VWCE: variants seen among roughly 807,000 people sequenced by gnomAD.
The protein encoded by VWCE is von Willebrand factor C and EGF domain-containing protein.
A neutral mutation model predicts 102.9 loss-of-function variants in VWCE; 68 were observed. That is an observed-to-expected ratio of 0.66 (90% CI 0.54 to 0.81). The LOEUF (loss-of-function observed/expected upper bound fraction) is 0.81, where lower values mean the gene tolerates loss of function less well. VWCE is among the 30% of genes least tolerant of loss of function. The pLI, the probability that VWCE is intolerant of heterozygous loss-of-function variation, is 0.00. For synonymous variants in VWCE, 497 were observed against 515.4 expected (o/e 0.96, Z 0.48); for missense variants, 1,137 against 1,263.6 (o/e 0.90, Z 1.52).
chr11:61,261,403 T>G (rs1394285051), intron 19 of VWCE, among the ~76,000 whole-genome samples: 1 of 151,904 alleles, frequency 6.6e-6, no homozygotes, highest in Non-Finnish European at 1.5e-5. Flanking sequence ...GTGAATTGTA[T>G]GACATATGAA....
chr11:61,281,508 G>T lies in VWCE; in HGVS notation c.788-273C>A, dbSNP rs1047887409. On this transcript the variant is annotated intron_variant, in intron 7 of 19. Coordinates refer to ENST00000335613, the MANE Select transcript of VWCE (RefSeq NM_152718.2). The stretch of plus-strand genomic sequence containing the variant: ...AGAAGGGCTGGGGAAACAGTGAAAA[G>T]AAGAAGGAAGAATGGATAAAGAAGT... Among the ~76,000 whole-genome samples the T allele has an allele frequency of 3.3e-5, 5 of 152,344 alleles. No individual in the cohort carries two copies. The South Asian group carries it at 6.2e-4, about 19-fold the overall frequency.
intron 11 of VWCE, among the ~76,000 whole-genome samples, chr11:61,275,636 T>C (rs1008758577): frequency 1.3e-5 from 2 of 152,226 alleles, no homozygotes; most frequent in Non-Finnish European, 2.9e-5. Context: ...CAAGCTTCAG[T>C]GTTCCCATCT....
chr11:61,292,238 AAGAG>A (rs59024166), intron 1 of VWCE, among the ~76,000 whole-genome samples: 7,431 of 148,284 alleles, frequency 0.05, 554 homozygotes, highest in African/African-American at 0.17. Flanking sequence ...AAAAAAAAAA[AAGAG>A]AGAGAGAAAG....
chr11:61,274,872 G>A (rs1281992947), intron 11 of VWCE, among the ~76,000 whole-genome samples: 2 of 152,146 alleles, frequency 1.3e-5, no homozygotes, highest in African/African-American at 4.8e-5. Flanking sequence ...GACCAGTCTG[G>A]TCAAAACAGC....
chr11:61,293,241 C>CAAAAAAAAAAAAAA (rs764741197), intron 1 of VWCE, among the ~76,000 whole-genome samples: 1 of 18,028 alleles, frequency 5.5e-5, no homozygotes, highest in African/African-American at 2.0e-4. Flanking sequence ...AACTCCATCT[C>CAAAAAAAAAAAAAA]AAAAAAAAAA....
In VWCE at chr11:61,278,805, C is replaced by T. The variant is rs563313605; in HGVS notation, c.1325-329G>A. Among the ~76,000 whole-genome samples, 72 of 152,284 alleles carry T rather than the reference C, an allele frequency of 4.7e-4. 1 individual carries two copies. In the South Asian group the frequency reaches 0.014, roughly 29 times the overall value. On this transcript the variant is annotated intron_variant, in intron 9 of 19. Coordinates refer to ENST00000335613, the MANE Select transcript of VWCE (RefSeq NM_152718.2). ...CCTGTAACCCCAGCACTTTGGGAGG[C>T]CAAGGCGGGCAGACCACAAGGTCAG...
At chr11:61,259,334 G>A (rs552357440) in intron 19 of VWCE, 22 bp from the exon 20 acceptor site, 81 of 1,548,750 alleles carry the variant, frequency 5.2e-5, no homozygotes, top group Non-Finnish European at 6.9e-5. Context: ...AGGGTGAAAC[G>A]AGATGCACAA....
At chr11:61,291,095 A>G (rs545505827) in intron 3 of VWCE, among the ~76,000 whole-genome samples, 168 bp from the exon 4 acceptor site, 1 of 152,352 alleles carries the variant, frequency 6.6e-6, no homozygotes, top group South Asian at 2.1e-4. Context: ...GGGCAAGACA[A>G]TAACTTCTGT....
At chr11:61,267,939 G>A (rs575645780) in intron 15 of VWCE, among the ~76,000 whole-genome samples, 3 of 151,930 alleles carry the variant, frequency 2.0e-5, no homozygotes, top group Admixed American at 2.0e-4. Flanking sequence ...CGCCTGTCCA[G>A]AACATTCCCC....
rs964422420 is a variant in VWCE at position 61,258,604 on chromosome 11, G to A, written c.*71C>T. On this transcript the variant is annotated 3_prime_UTR_variant, in exon 20 of 20. Coordinates refer to ENST00000335613, the MANE Select transcript of VWCE (RefSeq NM_152718.2). Reference sequence around the variant, plus strand: ...CATCCCCACCAGGTTCATCCTTGGAGCTGCCCTGCACACACCCTGGGCCAC... The same window carrying A: ...CATCCCCACCAGGTTCATCCTTGGAACTGCCCTGCACACACCCTGGGCCAC... 1.5e-5 allele frequency: 19 copies of A among 1,303,678 alleles called. 1 individual carries two copies. The highest frequency in any genetic ancestry group is 1.9e-5 in the Non-Finnish European group (19 of 1,018,382). The allele number at this position is 1,303,678 out of a possible 1,614,324, so 80.8% of individuals were successfully genotyped here.
chr11:61,258,914 A>G lies in VWCE; in HGVS notation c.2629T>C (p.Ser877Pro). The G allele has an allele frequency of 1.3e-6, 2 of 1,532,946 alleles. No homozygotes were observed. The highest frequency in any genetic ancestry group is 1.3e-5 in the South Asian group (1 of 76,442). 95.0% of individuals were successfully genotyped at this position (1,532,946 alleles called of 1,614,324 possible). A position where few individuals can be genotyped will look rare whatever the true frequency, so the allele number is the denominator to read the frequency against. The change falls in exon 20 of 20, where the codon TCA becomes CCA. Residue 877 changes from serine to proline, a missense_variant. By Grantham distance (74) the Ser-to-Pro change is moderately conservative. Around this residue, in one of 5 missense-constraint regions of VWCE, gnomAD observed 316 missense variants for 319.3 expected, o/e 0.99. Coordinates refer to ENST00000335613, the MANE Select transcript of VWCE (RefSeq NM_152718.2). ...PPPVTPERSF[S>P]ASGAQIVSRW... ...GACACTATCTGGGCCCCAGAGGCTGAGAACGAGCGCTCTGGAGTCACAGGA... is the reference window on the plus strand; with the variant it reads ...GACACTATCTGGGCCCCAGAGGCTGGGAACGAGCGCTCTGGAGTCACAGGA...
At chr11:61,271,548 T>C (rs1854700564) in intron 14 of VWCE, 127 bp downstream of exon 14, 2 of 830,566 alleles carry the variant, frequency 2.4e-6, no homozygotes, top group African/African-American at 3.4e-5. Context: ...AAGTGGAACT[T>C]GACAGCACCG....
At chr11:61,268,677 T>C (rs1854582498) in intron 15 of VWCE, among the ~76,000 whole-genome samples, 1 of 152,210 alleles carries the variant, frequency 6.6e-6, no homozygotes. Context: ...TCTCCAATTG[T>C]CTCACAGGTG....
rs774957863 is a variant in VWCE, at chr11:61,278,404, C to T, written c.1397G>A (p.Cys466Tyr). The T allele has an allele frequency of 1.2e-6, 2 of 1,614,060 alleles. No individual in the cohort carries two copies. The highest frequency in any genetic ancestry group is 1.3e-5 in the African/African-American group (1 of 74,922). Residue 466 changes from cysteine to tyrosine, a missense_variant, in exon 10 of 20, where the codon TGT (cysteine) becomes TAT (tyrosine). Cys to Tyr is a radical substitution (Grantham distance 194, BLOSUM62 -2). This residue lies in a region of VWCE where 575 missense variants were observed against 625.9 expected (regional missense o/e 0.92). Coordinates refer to ENST00000335613, the MANE Select transcript of VWCE (RefSeq NM_152718.2). ...TCTTGTGACGCTTACCAGACAGACA[C>T]AGACGGTGCAGTTCTCATTGGGAGG... ...FSPPNENCTVCVCLAGNVSCI... is the reference protein window; with the variant it reads ...FSPPNENCTVYVCLAGNVSCI...
rs374376394 is a variant in VWCE at position 61,285,594 on chromosome 11, G to A, written c.541+720C>T. Among the ~76,000 whole-genome samples the A allele has an allele frequency of 6.6e-5, 10 of 152,186 alleles. 1 individual carries two copies. The highest frequency in any genetic ancestry group is 4.6e-4 in the Admixed American group (7 of 15,294). The stretch of plus-strand genomic sequence containing the variant: ...TGTAGTCAGTGAATGACCCCATCCC[G>A]GTATGCCCCTCCCATGGCTCCTCGG... On this transcript the variant is annotated intron_variant, in intron 5 of 19. Transcript: ENST00000335613.
intron 19 of VWCE, among the ~76,000 whole-genome samples, chr11:61,261,576 T>C (rs1410282176): frequency 1.4e-5 from 2 of 140,608 alleles, no homozygotes; most frequent in Admixed American, 1.4e-4. Flanking sequence ...ACCTTGTCTC[T>C]AAAAAAAAAA....
At chr11:61,290,976 C>CTT in intron 3 of VWCE, 49 bp from the exon 4 acceptor site, 1 of 1,583,958 alleles carries the variant, frequency 6.3e-7, no homozygotes, top group Non-Finnish European at 8.6e-7. Context: ...GCAGTCCCAA[C>CTT]CATCCCCACT....
In VWCE at chr11:61,264,936, G is replaced by A. The variant is rs1334115894; in HGVS notation, c.2139+20C>T. 2 of 1,612,626 alleles carry A rather than the reference G, an allele frequency of 1.2e-6. No homozygotes were observed. Among genetic ancestry groups the A allele is most frequent in the Non-Finnish European group, 1.7e-6 (2 of 1,179,958 alleles). Reference sequence around the variant, plus strand: ...CTGCCCTCTGGCGGGGCCGCTCCTGGGTTCCCAGGCCCAGCTCACCTGGCA... The same window carrying A: ...CTGCCCTCTGGCGGGGCCGCTCCTGAGTTCCCAGGCCCAGCTCACCTGGCA... On this transcript the variant is annotated intron_variant, in intron 18 of 19. Transcript: ENST00000335613.
In VWCE at chr11:61,281,212, G is replaced by A; in HGVS notation, c.811C>T (p.Pro271Ser). 6.2e-7 allele frequency: 1 copy of A among 1,612,874 alleles called. No individual in the cohort carries two copies. Residue 271 changes from proline to serine, a missense_variant, in exon 8 of 20, where the codon CCA becomes TCA. This residue lies in a region of VWCE where 575 missense variants were observed against 625.9 expected (regional missense o/e 0.92). Transcript: ENST00000335613. ...TGCCGGGGTTGCAGGATGGCAGATGGGGCCAGCACGGCTTTCGGGAAAGCT... is the reference window on the plus strand; with the variant it reads ...TGCCGGGGTTGCAGGATGGCAGATGAGGCCAGCACGGCTTTCGGGAAAGCT... ...CEAFPKAVLAPSAILQPRQHP... is the reference protein window; with the variant it reads ...CEAFPKAVLASSAILQPRQHP...
Sources: allele counts gnomAD v4.1 joint callset (sites outside exome capture counted in the v4.1 genomes callset), GRCh38; gene constraint gnomAD v4.1.1; regional missense constraint gnomAD v4.1.1; transcripts MANE v1.5; gene names NCBI Gene and HGNC (gene_info 2026-07-23, HGNC 2026-07-21).